Variants in EPHA5 observed in about 807,000 individuals in gnomAD.
EPHA5 encodes the protein EPH receptor A5, also known as ephrin type-A receptor 5.
A neutral mutation model predicts 105.0 loss-of-function variants in EPHA5; 60 were observed. The observed-to-expected ratio is 0.57, with a 90% CI of 0.46 to 0.71. The LOEUF (loss-of-function observed/expected upper bound fraction) is 0.71. Ranked by LOEUF, EPHA5 falls within the 30% of genes least tolerant of loss-of-function variation. The probability of loss-of-function intolerance (pLI) is 0.00; values close to 1 mark genes in which losing one functional copy is unlikely to be tolerated. For synonymous variants in EPHA5, 513 were observed against 449.1 expected (o/e 1.14, Z -1.80); for missense variants, 1,218 against 1,274.7 (o/e 0.96, Z 0.68).
At chr4:65,336,368 A>C (rs1214434272) in intron 14 of EPHA5, among the ~76,000 whole-genome samples, 1 of 152,100 alleles carries the variant, frequency 6.6e-6, no homozygotes, top group Non-Finnish European at 1.5e-5. Context: ...AATAAATGGT[A>C]ATCATTTTTT....
At chr4:65,573,545 G>C in intron 3 of EPHA5, 1 of 1,598,136 alleles carries the variant, frequency 6.3e-7, no homozygotes, top group Non-Finnish European at 8.5e-7. Context: ...AGGTGAAAAA[G>C]GGTAACCTCA....
At chr4:65,418,093 A>T (rs11946106) in intron 6 of EPHA5, among the ~76,000 whole-genome samples, 4,919 of 152,218 alleles carry the variant, frequency 0.032, 275 homozygotes, top group African/African-American at 0.11. Flanking sequence ...AGTCAAATAT[A>T]CAGTTTTTGG....
intron 3 of EPHA5, among the ~76,000 whole-genome samples, chr4:65,585,449 A>G (rs1316187342): frequency 6.8e-6 from 1 of 146,400 alleles, no homozygotes; most frequent in Non-Finnish European, 1.5e-5. Flanking sequence ...CTTTGGTGAG[A>G]AAAAAAAAAA....
chr4:65,347,290 C>T (rs1214823350), intron 14 of EPHA5, among the ~76,000 whole-genome samples: 1 of 152,118 alleles, frequency 6.6e-6, no homozygotes, highest in Non-Finnish European at 1.5e-5. Context: ...GTGTATGTCT[C>T]ATGATAAGGG....
At position 65,518,108 on chromosome 4, in the gene EPHA5, T is replaced by C. The variant is rs1734282958; in HGVS notation, c.911-22565A>G. ...TTTTACATCAGTTTTATTTAAAAGT[T>C]TGAAGAACTAATTATTTCACCTTTG... On this transcript the variant is annotated intron_variant, in intron 3 of 16. Coordinates refer to ENST00000613740, the MANE Select transcript of EPHA5 (RefSeq NM_001281766.3). Among the ~76,000 whole-genome samples, 3 of 151,990 alleles carry C rather than the reference T, an allele frequency of 2.0e-5. No homozygotes were observed. The South Asian group carries it at 6.2e-4, about 31-fold the overall frequency.
chr4:65,518,848 A>T (rs550449238), intron 3 of EPHA5, among the ~76,000 whole-genome samples: 1 of 152,232 alleles, frequency 6.6e-6, no homozygotes, highest in African/African-American at 2.4e-5. Context: ...AAAAAAGTCT[A>T]GGACCAGACA....
chr4:65,417,764 G>T (rs1299217381), intron 6 of EPHA5, among the ~76,000 whole-genome samples: 1 of 151,856 alleles, frequency 6.6e-6, no homozygotes, highest in African/African-American at 2.4e-5. Flanking sequence ...ATCACAATGT[G>T]GATAAATATT....
chr4:65,336,153 C>T (rs1721162836), intron 14 of EPHA5, 28 bp from the exon 15 acceptor site: 1 of 1,549,352 alleles, frequency 6.5e-7, no homozygotes, highest in Non-Finnish European at 8.7e-7. Flanking sequence ...GAACCAGCAC[C>T]CCAACACCAC....
intron 8 of EPHA5, among the ~76,000 whole-genome samples, chr4:65,384,783 G>T (rs373939917): frequency 6.6e-6 from 1 of 151,812 alleles, no homozygotes; most frequent in African/African-American, 2.4e-5. Context: ...TGCAATCAAC[G>T]ACCATCTTAT....
chr4:65,600,882 C>T (rs76886019), intron 3 of EPHA5, among the ~76,000 whole-genome samples: 93 of 152,184 alleles, frequency 6.1e-4, no homozygotes, highest in African/African-American at 2.2e-3. Context: ...ACTCACCACA[C>T]TGCGGGCAAA....
At chr4:65,488,499 C>T (rs1480693688) in intron 5 of EPHA5, among the ~76,000 whole-genome samples, 2 of 152,122 alleles carry the variant, frequency 1.3e-5, no homozygotes. Flanking sequence ...TCACATTTAC[C>T]GAACACTCCT....
intron 2 of EPHA5, among the ~76,000 whole-genome samples, chr4:65,640,533 G>A (rs1455754044): frequency 1.3e-5 from 2 of 151,990 alleles, no homozygotes; most frequent in African/African-American, 2.4e-5. Context: ...TGATCCACCC[G>A]CCTCGGCCTC....
chr4:65,332,175 T>A (rs2148799973), intron 15 of EPHA5, 47 bp from the exon 16 acceptor site: 2 of 1,456,942 alleles, frequency 1.4e-6, no homozygotes, highest in Non-Finnish European at 1.8e-6. Flanking sequence ...TTTAATTCTT[T>A]TATAACAAAG....
intron 2 of EPHA5, among the ~76,000 whole-genome samples, chr4:65,641,104 A>G (rs865919878): frequency 6.6e-6 from 1 of 152,184 alleles, no homozygotes; most frequent in Non-Finnish European, 1.5e-5. Context: ...AGAGTTCTCA[A>G]ACATGTCAAA....
intron 11 of EPHA5, among the ~76,000 whole-genome samples, chr4:65,356,180 G>T (rs1723279671): frequency 6.6e-6 from 1 of 151,246 alleles, no homozygotes; most frequent in Non-Finnish European, 1.5e-5. Context: ...GGCTTTTCCT[G>T]CATTTCTACT....
chr4:65,542,912 T>C (rs1736986489), intron 3 of EPHA5, among the ~76,000 whole-genome samples: 1 of 152,166 alleles, frequency 6.6e-6, no homozygotes, highest in Middle Eastern at 3.4e-3. Context: ...GCAAGGCTGG[T>C]TCAATATATG....
chr4:65,359,703 G>A (rs955208254), intron 11 of EPHA5, among the ~76,000 whole-genome samples: 1 of 151,472 alleles, frequency 6.6e-6, no homozygotes, highest in East Asian at 1.9e-4. Flanking sequence ...ACCATGCTAG[G>A]TCATTATACT....
chr4:65,430,806 G>A (rs1212157492), intron 5 of EPHA5, among the ~76,000 whole-genome samples: 1 of 152,018 alleles, frequency 6.6e-6, no homozygotes, highest in Non-Finnish European at 1.5e-5. Context: ...TTATGTTAAA[G>A]ATTATTCAGA....
chr4:65,576,118 A>AAAAG (rs1741010154), intron 3 of EPHA5, among the ~76,000 whole-genome samples: 1 of 137,992 alleles, frequency 7.2e-6, no homozygotes, highest in African/African-American at 2.7e-5. Context: ...GAAAAGAAAA[A>AAAAG]AGAAAAGAAA....
Sources: allele counts gnomAD v4.1 joint callset (sites outside exome capture counted in the v4.1 genomes callset), GRCh38; gene constraint gnomAD v4.1.1; transcripts MANE v1.5; gene names NCBI Gene and HGNC (gene_info 2026-07-23, HGNC 2026-07-21).